The following RWDD2B variants were observed in gnomAD, a reference collection of about 807,000 sequenced individuals.
RWDD2B encodes RWD domain containing 2B.
RWDD2B carries 36 observed loss-of-function variants against 33.6 expected under a neutral mutation model. The observed-to-expected ratio is 1.07, with a 90% confidence interval of 0.82 to 1.42. The LOEUF (loss-of-function observed/expected upper bound fraction) is 1.42, where lower values mean the gene tolerates loss of function less well. Ranked by LOEUF, RWDD2B falls within the 40% of genes most tolerant of loss-of-function variation. The pLI is 0.00. For missense variants in RWDD2B, 364 were observed against 377.5 expected, an observed-to-expected ratio of 0.96 and a Z score of 0.30; for synonymous variants, 126 against 133.1, an observed-to-expected ratio of 0.95 and a Z score of 0.37.
intron 1 of RWDD2B, among the ~76,000 whole-genome samples, chr21:29,014,878 T>C (rs896923281): frequency 2.0e-5 from 3 of 152,070 alleles, no homozygotes; most frequent in Admixed American, 2.0e-4. Context: ...TTATATTTCT[T>C]TAATAATAAT....
chr21:29,017,680 G>A (rs900220649), intron 1 of RWDD2B, among the ~76,000 whole-genome samples: 8 of 152,100 alleles, frequency 5.3e-5, no homozygotes, highest in African/African-American at 1.7e-4. Context: ...AAGAAAACAA[G>A]GATAAGGGAA....
At chr21:29,018,399 C>A (rs2084900067) in intron 1 of RWDD2B, among the ~76,000 whole-genome samples, 1 of 152,126 alleles carries the variant, frequency 6.6e-6, no homozygotes, top group African/African-American at 2.4e-5. Context: ...TTGAAGTCTA[C>A]GAGAGACTCA....
rs1568867563 is a variant in RWDD2B, at chr21:29,004,552, A to G, written c.*1865T>C. On this transcript the variant is annotated 3_prime_UTR_variant, in exon 5 of 5. Coordinates refer to ENST00000493196, the MANE Select transcript of RWDD2B (RefSeq NM_016940.3). ...CCCCCTTTGGTGGTAGGGATGTCAG[A>G]TTCCATTCTCTGTAGGGTATTTCAT... is the stretch of plus-strand genomic sequence containing the variant. 6.6e-6 allele frequency: 1 copy of G among 152,248 alleles called. No homozygotes were observed. The highest frequency in any genetic ancestry group is 1.5e-5 in the Non-Finnish European group (1 of 68,052). 9.4% of individuals were successfully genotyped at this position (152,248 alleles called of 1,614,324 possible). A position where few individuals can be genotyped will look rare whatever the true frequency, so the allele number is the denominator to read the frequency against.
chr21:29,009,866 ACATATTTAAATC>A (rs2084848175), intron 1 of RWDD2B, among the ~76,000 whole-genome samples: 1 of 152,220 alleles, frequency 6.6e-6, no homozygotes. Context: ...TATACAGTAT[ACATATTTAAATC>A]CAAAGGGGAT....
intron 1 of RWDD2B, among the ~76,000 whole-genome samples, chr21:29,012,957 C>T (rs1452005952): frequency 6.6e-6 from 1 of 151,634 alleles, no homozygotes; most frequent in Non-Finnish European, 1.5e-5. Context: ...TTTCTTTCAA[C>T]ATATGTTAAG....
chr21:29,013,682 C>A (rs1223215940), intron 1 of RWDD2B, among the ~76,000 whole-genome samples: 1 of 145,574 alleles, frequency 6.9e-6, no homozygotes, highest in Non-Finnish European at 1.5e-5. Flanking sequence ...GAGTGAGACT[C>A]CGTCTCAAAA....
At chr21:29,011,281 G>A (rs1396672455) in intron 1 of RWDD2B, among the ~76,000 whole-genome samples, 4 of 149,034 alleles carry the variant, frequency 2.7e-5, no homozygotes, top group Admixed American at 2.0e-4. Flanking sequence ...CTGCCCGGCC[G>A]CCCATCGTCT....
intron 1 of RWDD2B, among the ~76,000 whole-genome samples, chr21:29,010,190 A>G (rs1331767801): frequency 6.6e-6 from 1 of 152,206 alleles, no homozygotes; most frequent in Non-Finnish European, 1.5e-5. Context: ...TTGTATCAAC[A>G]TGTACATTTT....
At chr21:29,016,640 G>C (rs190620108) in intron 1 of RWDD2B, among the ~76,000 whole-genome samples, 50 of 152,022 alleles carry the variant, frequency 3.3e-4, no homozygotes, top group African/African-American at 1.2e-3. Context: ...ATATTTGCTG[G>C]TCTGTTTTGG....
At chr21:29,012,482 T>C (rs964145818) in intron 1 of RWDD2B, among the ~76,000 whole-genome samples, 2 of 152,086 alleles carry the variant, frequency 1.3e-5, no homozygotes, top group African/African-American at 4.8e-5. Context: ...CCCCCAACCC[T>C]GTGCTCTCTG....
rs1303355144 is a variant in RWDD2B at position 29,006,517 on chromosome 21, G to A, written c.860C>T (p.Ala287Val). Residue 287 changes from alanine (A) to valine (V), a missense_variant, in exon 5 of 5, where the codon GCC (alanine) becomes GTC (valine). Coordinates refer to ENST00000493196, the MANE Select transcript of RWDD2B (RefSeq NM_016940.3). ...FEEKVFSVNG[A>V]RGNHMDFGQL... ...ACCAAAGTCCATGTGGTTTCCCCTGGCTCCATTAACACTGAACACTTTTTC... is the reference window on the plus strand; with the variant it reads ...ACCAAAGTCCATGTGGTTTCCCCTGACTCCATTAACACTGAACACTTTTTC... 1.2e-6 allele frequency: 2 copies of A among 1,613,832 alleles called. No individual in the cohort carries two copies. The highest frequency in any genetic ancestry group is 1.1e-5 in the South Asian group (1 of 91,076).
Position 29,008,305 on chromosome 21 carries a change from C to A in RWDD2B, c.297G>T (p.Ala99=). ...MNLDVSDEKM[A]MFSLACILPF... ...GAAGAATACAGGCCAGAGAAAACAT[C>A]GCCTGATTAAAGAGAAGAAGAAAAA... Residue 99 remains alanine (A), a splice_region_variant and synonymous_variant, in exon 3 of 5, where the codon GCG becomes GCT. Transcript: ENST00000493196. 1.2e-6 allele frequency: 2 copies of A among 1,614,044 alleles called. No individual in the cohort carries two copies. Among genetic ancestry groups the A allele is most frequent in the South Asian group, 1.1e-5 (1 of 91,064 alleles).
intron 1 of RWDD2B, among the ~76,000 whole-genome samples, chr21:29,011,651 C>T: frequency 6.8e-6 from 1 of 146,072 alleles, no homozygotes; most frequent in Admixed American, 6.7e-5. Context: ...GGGGTCAGCC[C>T]CCCGCCCGGC....
At chr21:29,011,085 G>A (rs1256305134) in intron 1 of RWDD2B, among the ~76,000 whole-genome samples, 2 of 151,860 alleles carry the variant, frequency 1.3e-5, no homozygotes, top group African/African-American at 4.8e-5. Context: ...CTGCCCGGCC[G>A]CCACCCCGTC....
At chr21:29,011,062 G>A (rs1172192370) in intron 1 of RWDD2B, among the ~76,000 whole-genome samples, 2 of 152,076 alleles carry the variant, frequency 1.3e-5, no homozygotes, top group African/African-American at 2.4e-5. Context: ...CCAAAGTGCC[G>A]AGATTGCAGC....
rs1437581030 is a variant in RWDD2B, at chr21:29,007,784, A to T, written c.702T>A (p.Ser234Arg). Residue 234 changes from serine (S) to arginine (R), a missense_variant, in exon 4 of 5, where the codon AGT (serine) becomes AGA (arginine). Coordinates refer to ENST00000493196, the MANE Select transcript of RWDD2B (RefSeq NM_016940.3). Reference protein sequence around the residue: ...PGVVCVEGPQSACEEFWSRLR... With the variant: ...PGVVCVEGPQRACEEFWSRLR... ...ACCTTGACCAGAATTCTTCACAGGC[A>T]CTTTGTGGGCCTTCCACACAAACAA... 5 of 1,613,826 alleles carry T rather than the reference A, an allele frequency of 3.1e-6. No homozygotes were observed. Among genetic ancestry groups the T allele is most frequent in the Non-Finnish European group, 4.2e-6 (5 of 1,179,902 alleles).
chr21:29,005,160 G>A lies in RWDD2B; in HGVS notation c.*1257C>T, dbSNP rs1174936311. On this transcript the variant is annotated 3_prime_UTR_variant, in exon 5 of 5. Transcript: ENST00000493196. ...ATAAATGTACAGAAAGCCATTTCCA[G>A]AACAAAAAATGTCAGAATACAATTT... 6.6e-6 allele frequency: 1 copy of A among 152,092 alleles called. No homozygotes were observed. Among genetic ancestry groups the A allele is most frequent in the Non-Finnish European group, 1.5e-5 (1 of 68,016 alleles). The allele number at this position is 152,092 out of a possible 1,614,324, so 9.4% of individuals were successfully genotyped here.
chr21:29,015,528 CTTTT>C (rs1207154307), intron 1 of RWDD2B, among the ~76,000 whole-genome samples: 4 of 114,696 alleles, frequency 3.5e-5, no homozygotes, highest in African/African-American at 3.3e-5. Flanking sequence ...CACACCTAGT[CTTTT>C]TTTTTTTTTT....
rs542020495 is a variant in RWDD2B, at chr21:29,016,563, C to CTT, written c.67+2646_67+2647dup. On this transcript the variant is annotated intron_variant, in intron 1 of 4. Coordinates refer to ENST00000493196, the MANE Select transcript of RWDD2B (RefSeq NM_016940.3). ...ACAGGCATGAGCCACTGCTCCCGGCCTTTTTTTTTTTAAACAAAATCCTCA... is the reference window on the plus strand; with the variant it reads ...ACAGGCATGAGCCACTGCTCCCGGCCTTTTTTTTTTTTTAAACAAAATCCTCA... Among the ~76,000 whole-genome samples, 84 of 148,224 alleles carry CTT rather than the reference C, an allele frequency of 5.7e-4. 1 individual carries two copies. The highest frequency in any genetic ancestry group is 1.1e-3 in the Non-Finnish European group (72 of 66,824).
Sources: gnomAD v4.1 joint callset for allele counts (sites outside exome capture counted in the v4.1 genomes callset) on GRCh38, gnomAD v4.1.1 for gene constraint, MANE v1.5 for transcripts, NCBI Gene and HGNC (gene_info 2026-07-23, HGNC 2026-07-21) for gene names.